Variants in QKI observed in about 807,000 individuals in gnomAD.
QKI encodes the protein KH domain-containing RNA-binding protein QKI.
Under a neutral mutation model 39.0 loss-of-function variants are expected in QKI, and 10 were observed. The ratio of observed to expected loss-of-function variants is 0.26; its 90% confidence interval spans 0.16 to 0.43. The LOEUF (loss-of-function observed/expected upper bound fraction) is 0.43. Ranked by LOEUF, QKI falls within the 20% of genes least tolerant of loss-of-function variation. QKI has a pLI of 1.00. For synonymous variants in QKI, 204 were observed against 155.4 expected, an observed-to-expected ratio of 1.31 and a Z score of -2.33; for missense variants, 218 against 428.0, an observed-to-expected ratio of 0.51 and a Z score of 4.33.
intron 6 of QKI, chr6:163,564,807 A>G: frequency 8.8e-6 from 14 of 1,596,106 alleles, no homozygotes; most frequent in Non-Finnish European, 1.2e-5. Context: ...TTTACCAGAC[A>G]AAATTTGAAT....
At chr6:163,545,863 G>A (rs1781834393) in intron 4 of QKI, among the ~76,000 whole-genome samples, 1 of 151,518 alleles carries the variant, frequency 6.6e-6, no homozygotes, top group Non-Finnish European at 1.5e-5. Flanking sequence ...TATACCCTAG[G>A]AAATATTTTT....
intron 3 of QKI, among the ~76,000 whole-genome samples, chr6:163,523,944 G>A (rs141451561): frequency 9.2e-5 from 14 of 152,302 alleles, no homozygotes; most frequent in East Asian, 1.9e-4. Flanking sequence ...AGCAAAGTGG[G>A]GCTTAGGGAG....
At chr6:163,481,239 G>GTA (rs933633215) in intron 3 of QKI, among the ~76,000 whole-genome samples, 54 of 151,440 alleles carry the variant, frequency 3.6e-4, no homozygotes, top group South Asian at 8.4e-4. Context: ...AGACATGTGT[G>GTA]TATATATATA....
intron 3 of QKI, among the ~76,000 whole-genome samples, chr6:163,494,190 AT>A (rs1778249855): frequency 6.6e-6 from 1 of 152,238 alleles, no homozygotes; most frequent in Non-Finnish European, 1.5e-5. Flanking sequence ...CAAATAAAAA[AT>A]ATGGTACAAT....
intron 2 of QKI, among the ~76,000 whole-genome samples, chr6:163,475,640 C>T (rs1448072448): frequency 1.3e-5 from 2 of 152,122 alleles, no homozygotes; most frequent in Non-Finnish European, 2.9e-5. Context: ...TTTTCAATAA[C>T]ATTTCTATTC....
intron 2 of QKI, among the ~76,000 whole-genome samples, chr6:163,468,547 A>G (rs1791947424): frequency 6.6e-6 from 1 of 152,224 alleles, no homozygotes; most frequent in Non-Finnish European, 1.5e-5. Flanking sequence ...ATTTCCATTT[A>G]AAATGAAGTG....
intron 1 of QKI, among the ~76,000 whole-genome samples, chr6:163,427,243 CTTTTTTTTTT>C (rs11375326): frequency 5.8e-5 from 5 of 85,794 alleles, no homozygotes; most frequent in African/African-American, 1.8e-4. Context: ...ATACTCGTAC[CTTTTTTTTTT>C]TTTTTTTTTT....
intron 1 of QKI, among the ~76,000 whole-genome samples, chr6:163,445,023 C>T (rs1181413856): frequency 2.0e-5 from 3 of 152,102 alleles, no homozygotes; most frequent in Admixed American, 2.0e-4. Context: ...ATCTTTCCAC[C>T]TCAGTCTTGA....
intron 7 of QKI, chr6:163,569,004 G>C (rs552072216): frequency 1.0e-5 from 10 of 984,288 alleles, no homozygotes; most frequent in Non-Finnish European, 1.2e-5. Flanking sequence ...AGTTTTTTCT[G>C]AGTAATACAA....
chr6:163,536,340 A>T (rs937007753), intron 4 of QKI, among the ~76,000 whole-genome samples: 1 of 152,226 alleles, frequency 6.6e-6, no homozygotes, highest in Non-Finnish European at 1.5e-5. Context: ...AAGTTATTTA[A>T]CATCGACTTT....
intron 1 of QKI, among the ~76,000 whole-genome samples, chr6:163,427,243 C>CTTTTTTTT (rs11375326): frequency 1.6e-4 from 14 of 85,802 alleles, no homozygotes; most frequent in African/African-American, 2.3e-4. Flanking sequence ...ATACTCGTAC[C>CTTTTTTTT]TTTTTTTTTT....
chr6:163,561,907 G>A, intron 4 of QKI, 75 bp from the exon 5 acceptor site: 2 of 1,144,688 alleles, frequency 1.7e-6, no homozygotes, highest in African/African-American at 1.6e-5. Flanking sequence ...TTACTTTAAG[G>A]CTTGTGTGTA....
intron 1 of QKI, among the ~76,000 whole-genome samples, chr6:163,444,435 A>G (rs1261752814): frequency 3.9e-5 from 6 of 152,234 alleles, no homozygotes; most frequent in Non-Finnish European, 7.3e-5. Context: ...CACATGTATT[A>G]GGAAGATAGG....
Position 163,571,431 on chromosome 6 carries a change from AT to A in QKI, c.*725del, listed in dbSNP as rs1783692516. On this transcript the variant is annotated 3_prime_UTR_variant, in exon 8 of 8. Coordinates refer to ENST00000361752, the MANE Select transcript of QKI (RefSeq NM_006775.3). ...TCTGAGTTAAAATTACTGAATCTTT[AT>A]TTTACACCTAAAAAAATATGAGAAC... The A allele has an allele frequency of 6.6e-6, 1 of 152,192 alleles. No homozygotes were observed. The highest frequency in any genetic ancestry group is 2.1e-4 in the South Asian group (1 of 4,834). 9.4% of individuals were successfully genotyped at this position (152,192 alleles called of 1,614,324 possible). A position where few individuals can be genotyped will look rare whatever the true frequency, so the allele number is the denominator to read the frequency against.
At position 163,465,626 on chromosome 6, in the gene QKI, C is replaced by CAAAAA. The variant is rs35130458; in HGVS notation, c.285+10219_285+10223dup. Among the ~76,000 whole-genome samples the CAAAAA allele has an allele frequency of 3.2e-3, 302 of 95,742 alleles. 3 individuals are homozygous for CAAAAA. Among genetic ancestry groups the CAAAAA allele is most frequent in the African/African-American group, 0.01 (284 of 27,526 alleles). The allele number at this position is 95,742 out of a possible 152,430, so 62.8% of individuals were successfully genotyped here. A position where few individuals can be genotyped will look rare whatever the true frequency, so the allele number is the denominator to read the frequency against. On this transcript the variant is annotated intron_variant, in intron 2 of 7. Coordinates refer to ENST00000361752, the MANE Select transcript of QKI (RefSeq NM_006775.3). ...CCTGGGCAACAGAGCAAGACTGTCT[C>CAAAAA]AAAAAAAAAAAAAAAAAAGTAAAAG...
chr6:163,432,035 CAAGT>C (rs1197679759), intron 1 of QKI, among the ~76,000 whole-genome samples: 1 of 152,062 alleles, frequency 6.6e-6, no homozygotes, highest in African/African-American at 2.4e-5. Context: ...ACATTATTAA[CAAGT>C]AAGAGTACCT....
chr6:163,461,020 C>T (rs1003294212), intron 2 of QKI, among the ~76,000 whole-genome samples: 7 of 152,158 alleles, frequency 4.6e-5, no homozygotes, highest in African/African-American at 1.7e-4. Flanking sequence ...ATTCAGATTA[C>T]ATATTAAAGT....
At chr6:163,524,636 T>C (rs1313074651) in intron 3 of QKI, among the ~76,000 whole-genome samples, 5 of 55,776 alleles carry the variant, frequency 9.0e-5, no homozygotes, top group African/African-American at 2.5e-4. Flanking sequence ...GCCCGGCTAA[T>C]TTTGTATTTT....
intron 2 of QKI, among the ~76,000 whole-genome samples, chr6:163,456,275 T>C (rs1251426576): frequency 3.3e-5 from 5 of 152,182 alleles, no homozygotes; most frequent in Non-Finnish European, 5.9e-5. Flanking sequence ...ATAGCACTTA[T>C]AATCGGGCAT....
Sources: allele counts gnomAD v4.1 joint callset (sites outside exome capture counted in the v4.1 genomes callset), GRCh38; gene constraint gnomAD v4.1.1; transcripts MANE v1.5; gene names NCBI Gene and HGNC (gene_info 2026-07-23, HGNC 2026-07-21).